The following PRRT1 variants were observed in gnomAD, a reference collection of about 807,000 sequenced individuals.
PRRT1 encodes proline rich transmembrane protein 1.
A neutral mutation model predicts 22.6 loss-of-function variants in PRRT1; 8 were observed. The observed-to-expected ratio is 0.35, with a 90% CI of 0.21 to 0.64. The LOEUF (loss-of-function observed/expected upper bound fraction) is 0.64. PRRT1 is among the 30% of genes least tolerant of loss of function. The pLI is 0.69. For missense variants in PRRT1, 315 were observed against 444.5 expected (o/e 0.71, Z 2.62); for synonymous variants, 176 against 203.6 (o/e 0.86, Z 1.15).
upstream of PRRT1, chr6:32,152,213 C>A (rs867825801): frequency 1.7e-6 from 1 of 585,258 alleles, no homozygotes; most frequent in Middle Eastern, 2.6e-4. Context: ...CTGGAGTCTC[C>A]CCCACCAAGA....
chr6:32,150,457 T>C lies in PRRT1; in HGVS notation c.469A>G (p.Thr157Ala). The C allele has an allele frequency of 2.0e-6, 3 of 1,518,812 alleles. No individual in the cohort carries two copies. Among genetic ancestry groups the C allele is most frequent in the Non-Finnish European group, 2.6e-6 (3 of 1,140,114 alleles). 94.1% of individuals were successfully genotyped at this position (1,518,812 alleles called of 1,614,324 possible). A position where few individuals can be genotyped will look rare whatever the true frequency, so the allele number is the denominator to read the frequency against. ...GCTACGTAGCCCCCCAGCGGCAGCG[T>C]GCCCACAGTCCCCGCGTGCGTGGGC... The part of the protein sequence containing the change: ...VVPTHAGTVG[T>A]LPLGGYVAPG... Residue 157 changes from threonine to alanine, a missense_variant, in exon 2 of 4, where the codon ACG becomes GCG. This residue lies in a region of PRRT1 where 263 missense variants were observed against 328.5 expected (regional missense o/e 0.80). Coordinates refer to ENST00000211413, the MANE Select transcript of PRRT1 (RefSeq NM_030651.4). This position sits in a 1 kb window ranked among gnomAD's most constrained non-coding sequence, Gnocchi z 7.2.
chr6:32,150,245 C>T lies in PRRT1; in HGVS notation c.558+123G>A. The stretch of plus-strand genomic sequence containing the variant: ...AGGCTCCCTTCTTTCTAGGGCTTGT[C>T]CCGGGAACACTACCTGTTCCCTGCC... On this transcript the variant is annotated intron_variant, in intron 2 of 3. Coordinates refer to ENST00000211413, the MANE Select transcript of PRRT1 (RefSeq NM_030651.4). This position sits in a 1 kb window ranked among gnomAD's most constrained non-coding sequence, Gnocchi z 7.2. The T allele has an allele frequency of 8.1e-7, 1 of 1,242,096 alleles. No homozygotes were observed. Among genetic ancestry groups the T allele is most frequent in the Non-Finnish European group, 1.1e-6 (1 of 939,894 alleles). 76.9% of individuals were successfully genotyped at this position (1,242,096 alleles called of 1,614,324 possible). A position where few individuals can be genotyped will look rare whatever the true frequency, so the allele number is the denominator to read the frequency against.
chr6:32,151,233 C>G, intron 1 of PRRT1: 1 of 600,358 alleles, frequency 1.7e-6, no homozygotes, highest in Admixed American at 2.8e-5. Flanking sequence ...TTTGGGCTGG[C>G]CTATCCGAGC....
Position 32,150,444 on chromosome 6 carries a change from C to G in PRRT1, c.482G>C (p.Gly161Ala). 2.0e-6 allele frequency: 3 copies of G among 1,524,318 alleles called. No homozygotes were observed. The highest frequency in any genetic ancestry group is 2.6e-6 in the Non-Finnish European group (3 of 1,143,030). The allele number at this position is 1,524,318 out of a possible 1,614,324, so 94.4% of individuals were successfully genotyped here. Residue 161 changes from glycine to alanine, a missense_variant, in exon 2 of 4, where the codon GGG becomes GCG. By Grantham distance (60) the Gly-to-Ala change is moderately conservative. Coordinates refer to ENST00000211413, the MANE Select transcript of PRRT1 (RefSeq NM_030651.4). This position sits in a 1 kb window ranked among gnomAD's most constrained non-coding sequence, Gnocchi z 7.2. Reference sequence around the variant, plus strand: ...GGGGTATCCGGGCGCTACGTAGCCCCCCAGCGGCAGCGTGCCCACAGTCCC... The same window carrying G: ...GGGGTATCCGGGCGCTACGTAGCCCGCCAGCGGCAGCGTGCCCACAGTCCC... ...HAGTVGTLPL[G>A]GYVAPGYPLQ...
rs1783311431 is a variant in PRRT1, at chr6:32,151,872, G to T, written c.-45C>A. 2 of 1,597,826 alleles carry T rather than the reference G, an allele frequency of 1.3e-6. No individual in the cohort carries two copies. Among genetic ancestry groups the T allele is most frequent in the Non-Finnish European group, 8.5e-7 (1 of 1,169,686 alleles). On this transcript the variant is annotated 5_prime_UTR_variant, in exon 1 of 4. Coordinates refer to ENST00000211413, the MANE Select transcript of PRRT1 (RefSeq NM_030651.4). ...CAGGGTCCCTGCAGCCGGAGTGGGG[G>T]TCCTCGGCCGGTGCTGGAGTCTGGG...
Position 32,149,887 on chromosome 6 carries a change from C to G in PRRT1, c.559-165G>C. ...GGACACCCATAAATTCCACCTAAGC[C>G]CCTCTCCTCCCTTCCTTGCTTCATT... On this transcript the variant is annotated intron_variant, in intron 2 of 3. Coordinates refer to ENST00000211413, the MANE Select transcript of PRRT1 (RefSeq NM_030651.4). This position sits in a 1 kb window ranked among gnomAD's most constrained non-coding sequence, Gnocchi z 8.7. 1.7e-6 allele frequency: 1 copy of G among 585,318 alleles called. No homozygotes were observed. The highest frequency in any genetic ancestry group is 3.0e-6 in the Non-Finnish European group (1 of 331,942). 36.3% of individuals were successfully genotyped at this position (585,318 alleles called of 1,614,324 possible). A position where few individuals can be genotyped will look rare whatever the true frequency, so the allele number is the denominator to read the frequency against.
Position 32,149,504 on chromosome 6 carries a change from C to A in PRRT1, c.744+33G>T. On this transcript the variant is annotated intron_variant, in intron 3 of 3. Transcript: ENST00000211413. The surrounding 1 kb of genome is among the most constrained non-coding windows in gnomAD (Gnocchi z 8.7). ...CAGAACGCCCAGAACTCCCTGTCCC[C>A]GCCCCCAAACCGAGTATGCCCCTGC... The A allele has an allele frequency of 6.2e-7, 1 of 1,611,094 alleles. No individual in the cohort carries two copies.
Position 32,149,963 on chromosome 6 carries a change from C to T in PRRT1, c.559-241G>A. 1.8e-6 allele frequency: 1 copy of T among 552,354 alleles called. No individual in the cohort carries two copies. Among genetic ancestry groups the T allele is most frequent in the Non-Finnish European group, 3.2e-6 (1 of 315,832 alleles). 34.2% of individuals were successfully genotyped at this position (552,354 alleles called of 1,614,324 possible). A position where few individuals can be genotyped will look rare whatever the true frequency, so the allele number is the denominator to read the frequency against. On this transcript the variant is annotated intron_variant, in intron 2 of 3. Transcript: ENST00000211413. The surrounding 1 kb of genome is among the most constrained non-coding windows in gnomAD (Gnocchi z 8.7). ...CATTCTCTCCCGCAAGGTATGGTCC[C>T]ACTGGGGCTGTCCTGGCCTCAGGTC...
chr6:32,150,377 C>A lies in PRRT1; in HGVS notation c.549G>T (p.Pro183=). 1 of 1,555,892 alleles carries A rather than the reference C, an allele frequency of 6.4e-7. No homozygotes were observed. Among genetic ancestry groups the A allele is most frequent in the South Asian group, 1.2e-5 (1 of 83,660 alleles). The change falls in exon 2 of 4, where the codon CCG becomes CCT. Residue 183 remains proline, a synonymous_variant. Transcript: ENST00000211413. The surrounding 1 kb of genome is among the most constrained non-coding windows in gnomAD (Gnocchi z 7.2). ...QPCTAYVPVY[P]VGTPYAGGTP... ...TCTGCCCGGCACTCACCGTGCCCAC[C>A]GGGTAGACCGGCACGTAAGCAGTGC...
chr6:32,150,637 G>T lies in PRRT1; in HGVS notation c.289C>A (p.Pro97Thr). 7.1e-7 allele frequency: 1 copy of T among 1,417,316 alleles called. No homozygotes were observed. The allele number at this position is 1,417,316 out of a possible 1,614,324, so 87.8% of individuals were successfully genotyped here. ...HAPPGPAAGAPPPGCATLPRM... is the reference protein window; with the variant it reads ...HAPPGPAAGATPPGCATLPRM... ...GGCAAGGTAGCGCAGCCGGGTGGGG[G>T]TGCCCCGGCAGCAGGGCCGGGAGGG... Residue 97 changes from proline to threonine, a missense_variant, in exon 2 of 4, where the codon CCC becomes ACC. Coordinates refer to ENST00000211413, the MANE Select transcript of PRRT1 (RefSeq NM_030651.4). The surrounding 1 kb of genome is among the most constrained non-coding windows in gnomAD (Gnocchi z 7.2).
In PRRT1 at chr6:32,150,683, C is replaced by T. The variant is rs1280147736; in HGVS notation, c.243G>A (p.Leu81=). 1.4e-6 allele frequency: 2 copies of T among 1,432,326 alleles called. No individual in the cohort carries two copies. The highest frequency in any genetic ancestry group is 2.9e-5 in the African/African-American group (2 of 68,502). The allele number at this position is 1,432,326 out of a possible 1,614,324, so 88.7% of individuals were successfully genotyped here. A position where few individuals can be genotyped will look rare whatever the true frequency, so the allele number is the denominator to read the frequency against. Residue 81 remains leucine, a synonymous_variant, in exon 2 of 4, where the codon CTG becomes CTA. Coordinates refer to ENST00000211413, the MANE Select transcript of PRRT1 (RefSeq NM_030651.4). The surrounding 1 kb of genome is among the most constrained non-coding windows in gnomAD (Gnocchi z 7.2). ...AQRGPSSSAT[L]PRPPHHAPPG... is the part of the protein sequence containing the mutation. ...GAGGGGCGTGGTGGGGGGGCCTCGG[C>T]AGCGTGGCAGAGGAGGAGGGACCGC...
Position 32,149,145 on chromosome 6 carries a change from C to T in PRRT1, c.*77G>A, listed in dbSNP as rs1341729788. ...CCCAGAAACGGGTGTGCAGGGCGCC[C>T]ATTGGGTCCGCGGTATGACTGCAGA... On this transcript the variant is annotated 3_prime_UTR_variant, in exon 4 of 4. Coordinates refer to ENST00000211413, the MANE Select transcript of PRRT1 (RefSeq NM_030651.4). The surrounding 1 kb of genome is among the most constrained non-coding windows in gnomAD (Gnocchi z 8.7). 6.8e-7 allele frequency: 1 copy of T among 1,477,360 alleles called. No homozygotes were observed. Among genetic ancestry groups the T allele is most frequent in the East Asian group, 2.3e-5 (1 of 43,492 alleles). 91.5% of individuals were successfully genotyped at this position (1,477,360 alleles called of 1,614,324 possible). A position where few individuals can be genotyped will look rare whatever the true frequency, so the allele number is the denominator to read the frequency against.
At position 32,149,288 on chromosome 6, in the gene PRRT1, G is replaced by T. The variant is rs762751751; in HGVS notation, c.855C>A (p.Leu285=). ...SLAVGIAAMV[L]CTILTVVIII... is the part of the protein sequence containing the mutation. ...TGATGACTACGGTGAGGATGGTACA[G>T]AGCACCATGGCCGCGATGCCCACGG... The change falls in exon 4 of 4, where the codon CTC becomes CTA. Residue 285 remains leucine (L), a synonymous_variant. Coordinates refer to ENST00000211413, the MANE Select transcript of PRRT1 (RefSeq NM_030651.4). This position sits in a 1 kb window ranked among gnomAD's most constrained non-coding sequence, Gnocchi z 8.7. 16 of 1,611,308 alleles carry T rather than the reference G, an allele frequency of 9.9e-6. No individual in the cohort carries two copies. In the East Asian group the frequency reaches 3.6e-4, roughly 36 times the overall value.
At position 32,150,304 on chromosome 6, in the gene PRRT1, C is replaced by T; in HGVS notation, c.558+64G>A. 11 of 1,521,528 alleles carry T rather than the reference C, an allele frequency of 7.2e-6. No individual in the cohort carries two copies. Among genetic ancestry groups the T allele is most frequent in the Non-Finnish European group, 9.6e-6 (11 of 1,146,670 alleles). 94.3% of individuals were successfully genotyped at this position (1,521,528 alleles called of 1,614,324 possible). On this transcript the variant is annotated intron_variant, in intron 2 of 3. Transcript: ENST00000211413. The surrounding 1 kb of genome is among the most constrained non-coding windows in gnomAD (Gnocchi z 7.2). ...TCTATCCTACCAGCCCCCAGCGTAT[C>T]CCCAATTTCAAGTCCTGTATCGCGT...
upstream of PRRT1, chr6:32,152,899 G>GT (rs9281659): frequency 0.23 from 33,672 of 143,296 alleles, 4,109 homozygotes; most frequent in African/African-American, 0.31. Flanking sequence ...ATTTACACCA[G>GT]TTTTTTTTTT....
chr6:32,151,725 A>C, intron 1 of PRRT1, 84 bp downstream of exon 1: 1 of 463,538 alleles, frequency 2.2e-6, no homozygotes, highest in East Asian at 5.7e-5. Flanking sequence ...ACAGCTGAGG[A>C]GGGGTAAGGG....
At position 32,148,860 on chromosome 6, in the gene PRRT1, T is replaced by G; in HGVS notation, c.*362A>C. 1.8e-6 allele frequency: 1 copy of G among 556,208 alleles called. No individual in the cohort carries two copies. The highest frequency in any genetic ancestry group is 3.4e-6 in the Non-Finnish European group (1 of 291,852). 34.5% of individuals were successfully genotyped at this position (556,208 alleles called of 1,614,324 possible). A position where few individuals can be genotyped will look rare whatever the true frequency, so the allele number is the denominator to read the frequency against. On this transcript the variant is annotated 3_prime_UTR_variant, in exon 4 of 4. Coordinates refer to ENST00000211413, the MANE Select transcript of PRRT1 (RefSeq NM_030651.4). The surrounding 1 kb of genome is among the most constrained non-coding windows in gnomAD (Gnocchi z 5.7). ...GAGCCTGCCGACCTGGAGGCGGGGT[T>G]TTGTCAGAGCTGGGGCGGTGCTTAT...
upstream of PRRT1, chr6:32,152,185 G>A: frequency 1.6e-6 from 1 of 631,826 alleles, no homozygotes; most frequent in Non-Finnish European, 3.0e-6. Context: ...ACTAAGGAAA[G>A]GAAGGAAGGA....
At position 32,148,936 on chromosome 6, in the gene PRRT1, C is replaced by T. The variant is rs1783108858; in HGVS notation, c.*286G>A. 1 of 680,938 alleles carries T rather than the reference C, an allele frequency of 1.5e-6. No individual in the cohort carries two copies. The highest frequency in any genetic ancestry group is 2.0e-5 in the Admixed American group (1 of 49,216). 42.2% of individuals were successfully genotyped at this position (680,938 alleles called of 1,614,324 possible). A position where few individuals can be genotyped will look rare whatever the true frequency, so the allele number is the denominator to read the frequency against. ...AACCGAGGTTGCTCGGTTGGGGGCGCTACACTTTGAGGGTGAGGGGGCCTG... is the reference window on the plus strand; with the variant it reads ...AACCGAGGTTGCTCGGTTGGGGGCGTTACACTTTGAGGGTGAGGGGGCCTG... On this transcript the variant is annotated 3_prime_UTR_variant, in exon 4 of 4. Coordinates refer to ENST00000211413, the MANE Select transcript of PRRT1 (RefSeq NM_030651.4). The surrounding 1 kb of genome is among the most constrained non-coding windows in gnomAD (Gnocchi z 5.7).
Sources: allele counts gnomAD v4.1 joint callset, GRCh38; gene constraint gnomAD v4.1.1; regional missense constraint gnomAD v4.1.1; non-coding constraint Gnocchi (gnomAD v3.1); transcripts MANE v1.5; gene names NCBI Gene and HGNC (gene_info 2026-07-23, HGNC 2026-07-21).